NUDT4: variants seen among roughly 807,000 people sequenced by gnomAD.
NUDT4 encodes the protein nudix hydrolase 4, also known as diphosphoinositol polyphosphate phosphohydrolase 2.
A neutral mutation model predicts 23.1 loss-of-function variants in NUDT4; 5 were observed. The observed-to-expected ratio is 0.22, with a 90% CI of 0.11 to 0.46. The LOEUF is 0.46. Ranked by LOEUF, NUDT4 falls within the 20% of genes least tolerant of loss-of-function variation. The pLI is 0.99. For synonymous variants in NUDT4, 50 were observed against 79.0 expected (o/e 0.63, Z 1.95); for missense variants, 96 against 211.6 (o/e 0.45, Z 3.39).
chr12:93,378,314 C>G lies in NUDT4; in HGVS notation c.-9C>G. ...GGAGCAGCAGCAGCAGCAGCAGGAG[C>G]CCGCCTCTATGATGAAGTTCAAGCC... On this transcript the variant is annotated 5_prime_UTR_variant, in exon 1 of 5. Coordinates refer to ENST00000415493, the MANE Select transcript of NUDT4 (RefSeq NM_019094.6). 7.7e-7 allele frequency: 1 copy of G among 1,293,440 alleles called. No individual in the cohort carries two copies. Among genetic ancestry groups the G allele is most frequent in the Non-Finnish European group, 1.0e-6 (1 of 963,270 alleles). The allele number at this position is 1,293,440 out of a possible 1,614,324, so 80.1% of individuals were successfully genotyped here.
Position 93,402,294 on chromosome 12 carries a change from AAAC to A in NUDT4, c.*2918_*2920del, listed in dbSNP as rs1231311189. ...AAAAATGATCATGGCTTTAAAAAAA[AAAC>A]AAAAACACACACACATGAACTCAGA... On this transcript the variant is annotated 3_prime_UTR_variant, in exon 5 of 5. Coordinates refer to ENST00000415493, the MANE Select transcript of NUDT4 (RefSeq NM_019094.6). 6.6e-6 allele frequency: 1 copy of A among 152,188 alleles called. No homozygotes were observed. Among genetic ancestry groups the A allele is most frequent in the Non-Finnish European group, 1.5e-5 (1 of 68,016 alleles). The allele number at this position is 152,188 out of a possible 1,614,324, so 9.4% of individuals were successfully genotyped here.
intron 4 of NUDT4, 100 bp downstream of exon 4, chr12:93,398,955 G>T: frequency 1.1e-6 from 1 of 906,704 alleles, no homozygotes; most frequent in Admixed American, 2.7e-5. Context: ...AATACTCTTT[G>T]CTTATATTCC....
rs182064092 is a variant in NUDT4, at chr12:93,404,588, A to G, written c.*5209A>G. 43 of 152,310 alleles carry G rather than the reference A, an allele frequency of 2.8e-4. 2 individuals are homozygous for G. The highest frequency in any genetic ancestry group is 2.6e-3 in the Admixed American group (40 of 15,298). The allele number at this position is 152,310 out of a possible 1,614,324, so 9.4% of individuals were successfully genotyped here. On this transcript the variant is annotated 3_prime_UTR_variant, in exon 5 of 5. Transcript: ENST00000415493. ...ATTCAAATGTGATTAAGTCATGGCA[A>G]TCTATTTACTGGATACTTTGTGGTT...
intron 3 of NUDT4, 37 bp downstream of exon 3, chr12:93,395,570 G>T: frequency 6.6e-7 from 1 of 1,511,470 alleles, no homozygotes; most frequent in South Asian, 1.1e-5. Context: ...GCTGATAATA[G>T]AATTAATGAT....
chr12:93,380,200 T>A (rs1373588383), intron 1 of NUDT4, among the ~76,000 whole-genome samples: 1 of 152,142 alleles, frequency 6.6e-6, no homozygotes. Flanking sequence ...CTGAAAGTGG[T>A]GACTGAAGTG....
rs529971319 is a variant in NUDT4 at position 93,407,682 on chromosome 12, A to G, written c.*8303A>G. ...TCTGGATTTTCATGCAAATCTCCCA[A>G]TTTTTAAAAATGTTGGCATCAAATT... On this transcript the variant is annotated 3_prime_UTR_variant, in exon 5 of 5. Coordinates refer to ENST00000415493, the MANE Select transcript of NUDT4 (RefSeq NM_019094.6). 1 of 152,312 alleles carries G rather than the reference A, an allele frequency of 6.6e-6. No homozygotes were observed. Among genetic ancestry groups the G allele is most frequent in the Admixed American group, 6.5e-5 (1 of 15,294 alleles). The allele number at this position is 152,312 out of a possible 1,614,324, so 9.4% of individuals were successfully genotyped here.
intron 1 of NUDT4, among the ~76,000 whole-genome samples, chr12:93,385,795 A>G (rs1468325086): frequency 6.6e-6 from 1 of 151,734 alleles, no homozygotes; most frequent in Non-Finnish European, 1.5e-5. Context: ...TTGCAAGAAA[A>G]GCAACCATTA....
intron 3 of NUDT4, among the ~76,000 whole-genome samples, chr12:93,397,632 T>A (rs1465832467): frequency 6.6e-6 from 1 of 152,164 alleles, no homozygotes; most frequent in African/African-American, 2.4e-5. Context: ...GCTCAAGCGA[T>A]CCTTCACTTC....
rs887877608 is a variant in NUDT4, at chr12:93,406,342, T to A, written c.*6963T>A. 6.9e-6 allele frequency: 1 copy of A among 145,360 alleles called. No homozygotes were observed. The highest frequency in any genetic ancestry group is 3.7e-3 in the Middle Eastern group (1 of 272). 9.0% of individuals were successfully genotyped at this position (145,360 alleles called of 1,614,324 possible). ...CATTCAACAGAAAAATGAGGCCTAT[T>A]CCTATCATTTCCTCGATCCAATTTA... On this transcript the variant is annotated 3_prime_UTR_variant, in exon 5 of 5. Coordinates refer to ENST00000415493, the MANE Select transcript of NUDT4 (RefSeq NM_019094.6).
chr12:93,384,825 C>T lies in NUDT4; in HGVS notation c.99+6404C>T, dbSNP rs140097816. Among the ~76,000 whole-genome samples the T allele has an allele frequency of 2.0e-3, 305 of 152,174 alleles. 4 individuals carry two copies. The highest frequency in any genetic ancestry group is 7.3e-3 in the African/African-American group (301 of 41,512). ...AGGCTGGAGTGCAGAGGCGTGACCT[C>T]AGCTCACTGCAACCTCCGCCTCCCA... On this transcript the variant is annotated intron_variant, in intron 1 of 4. Coordinates refer to ENST00000415493, the MANE Select transcript of NUDT4 (RefSeq NM_019094.6).
chr12:93,381,264 T>C (rs1187334726), intron 1 of NUDT4, among the ~76,000 whole-genome samples: 2 of 152,186 alleles, frequency 1.3e-5, no homozygotes, highest in African/African-American at 2.4e-5. Context: ...TGTTTCTAAA[T>C]GTTTTGTTTA....
intron 1 of NUDT4, chr12:93,380,988 C>T (rs779220136): frequency 3.3e-5 from 5 of 152,154 alleles, no homozygotes; most frequent in Non-Finnish European, 7.4e-5. Context: ...CCCAAAAAAG[C>T]TACGTGGCGC....
intron 1 of NUDT4, 103 bp downstream of exon 1, chr12:93,378,524 G>A (rs2120830283): frequency 2.3e-6 from 3 of 1,310,754 alleles, no homozygotes; most frequent in Non-Finnish European, 2.0e-6. Flanking sequence ...GGGCTGGGAG[G>A]GATTAGCCCC....
At chr12:93,391,018 G>A (rs1203360653) in intron 1 of NUDT4, among the ~76,000 whole-genome samples, 1 of 152,142 alleles carries the variant, frequency 6.6e-6, no homozygotes, top group African/African-American at 2.4e-5. Context: ...TTCCAGTTTG[G>A]AAAAGTTCCT....
intron 3 of NUDT4, among the ~76,000 whole-genome samples, chr12:93,398,112 G>C (rs1265298138): frequency 1.3e-5 from 2 of 152,004 alleles, no homozygotes; most frequent in Non-Finnish European, 2.9e-5. Flanking sequence ...GGAGGCCGAG[G>C]TGGGTGGATC....
At chr12:93,394,384 T>C (rs1876778944) in intron 1 of NUDT4, among the ~76,000 whole-genome samples, 1 of 152,244 alleles carries the variant, frequency 6.6e-6, no homozygotes, top group Admixed American at 6.5e-5. Flanking sequence ...ATAAGGTGAT[T>C]TGGTAGTGTG....
chr12:93,378,523 G>A, intron 1 of NUDT4, 102 bp downstream of exon 1: 9 of 1,331,620 alleles, frequency 6.8e-6, no homozygotes, highest in Non-Finnish European at 8.8e-6. Context: ...GGGGCTGGGA[G>A]GGATTAGCCC....
At chr12:93,389,836 G>T (rs1592720488) in intron 1 of NUDT4, among the ~76,000 whole-genome samples, 5 of 151,834 alleles carry the variant, frequency 3.3e-5, no homozygotes, top group Admixed American at 3.3e-4. Context: ...GGAGGCGGAG[G>T]TTGCAGTGAG....
At chr12:93,382,173 A>T (rs1875706571) in intron 1 of NUDT4, among the ~76,000 whole-genome samples, 1 of 151,242 alleles carries the variant, frequency 6.6e-6, no homozygotes, top group South Asian at 2.1e-4. Context: ...CTGAGGCATG[A>T]GAATCCCTTG....
Sources: gnomAD v4.1 joint callset for allele counts (sites outside exome capture counted in the v4.1 genomes callset) on GRCh38, gnomAD v4.1.1 for gene constraint, MANE v1.5 for transcripts, NCBI Gene and HGNC (gene_info 2026-07-23, HGNC 2026-07-21) for gene names.